Variants in GABRP observed in about 807,000 individuals in gnomAD.
GABRP encodes gamma-aminobutyric acid type A receptor subunit pi, also known as gamma-aminobutyric acid receptor subunit pi.
GABRP carries 52 observed loss-of-function variants against 47.8 expected under a neutral mutation model. The ratio of observed to expected loss-of-function variants is 1.09; its 90% CI spans 0.87 to 1.37. The LOEUF (loss-of-function observed/expected upper bound fraction) is 1.37. Among genes scored for constraint, GABRP ranks in the 40% most tolerant of loss-of-function variants. GABRP has a pLI of 0.00. For missense variants in GABRP, 525 were observed against 542.8 expected, an observed-to-expected ratio of 0.97 and a Z score of 0.33; for synonymous variants, 221 against 205.8, an observed-to-expected ratio of 1.07 and a Z score of -0.63.
chr5:170,787,258 G>A (rs1374994440), intron 1 of GABRP, among the ~76,000 whole-genome samples: 3 of 152,304 alleles, frequency 2.0e-5, no homozygotes, highest in East Asian at 1.9e-4. Context: ...CTCCAGAATG[G>A]CCAGATTCTA....
chr5:170,798,165 C>T (rs2127257967), intron 6 of GABRP, among the ~76,000 whole-genome samples: 1 of 152,320 alleles, frequency 6.6e-6, no homozygotes, highest in East Asian at 1.9e-4. Flanking sequence ...CCTCAGCCTC[C>T]CAAGTAGCCG....
chr5:170,801,517 C>G (rs1765589399), intron 6 of GABRP, among the ~76,000 whole-genome samples: 1 of 152,148 alleles, frequency 6.6e-6, no homozygotes, highest in African/African-American at 2.4e-5. Context: ...TGTGCCAGTT[C>G]CCTTGCATTA....
rs17072921 is a variant in GABRP at position 170,797,623 on chromosome 5, T to G, written c.541+75T>G. The G allele has an allele frequency of 8.5e-3, 7,221 of 851,206 alleles. 300 individuals carry two copies. In the African/African-American group the frequency reaches 0.1, roughly 12 times the overall value. The allele number at this position is 851,206 out of a possible 1,614,324, so 52.7% of individuals were successfully genotyped here. ...GGTGTGTGTATTCATGAAAAGTATC[T>G]CATACACAGTGACCTTTCTTTTCTT... is the stretch of plus-strand genomic sequence containing the variant. On this transcript the variant is annotated intron_variant, in intron 6 of 9. Coordinates refer to ENST00000265294, the MANE Select transcript of GABRP (RefSeq NM_014211.3).
At chr5:170,803,035 T>C (rs907803792) in intron 6 of GABRP, among the ~76,000 whole-genome samples, 1 of 152,172 alleles carries the variant, frequency 6.6e-6, no homozygotes, top group African/African-American at 2.4e-5. Flanking sequence ...AAAGTCAGAG[T>C]GTCCAGGTAG....
intron 5 of GABRP, 28 bp from the exon 6 acceptor site, chr5:170,797,438 T>C: frequency 7.0e-7 from 1 of 1,427,204 alleles, no homozygotes; most frequent in African/African-American, 1.4e-5. Flanking sequence ...CTCACAATAC[T>C]GTTTTTGAAC....
Position 170,812,189 on chromosome 5 carries a change from C to T in GABRP, c.1254C>T (p.Ser418=). 1.2e-6 allele frequency: 2 copies of T among 1,613,858 alleles called. No individual in the cohort carries two copies. Among genetic ancestry groups the T allele is most frequent in the Non-Finnish European group, 1.7e-6 (2 of 1,179,822 alleles). ...IQNPSNVDHY[S]KLLFPLIFML... ...ACCCCAGTAATGTTGATCACTATTC[C>T]AAACTACTGTTTCCTTTGATTTTTA... The change falls in exon 10 of 10, where the codon TCC becomes TCT. Residue 418 remains serine (S), a synonymous_variant. Coordinates refer to ENST00000265294, the MANE Select transcript of GABRP (RefSeq NM_014211.3).
At chr5:170,805,639 A>G in intron 6 of GABRP, 77 bp from the exon 7 acceptor site, 2 of 1,502,426 alleles carry the variant, frequency 1.3e-6, no homozygotes, top group Non-Finnish European at 1.8e-6. Flanking sequence ...CTGTCTCCAT[A>G]TTATAGCATT....
intron 3 of GABRP, among the ~76,000 whole-genome samples, chr5:170,793,478 G>C (rs1420086623): frequency 6.6e-6 from 1 of 152,158 alleles, no homozygotes; most frequent in East Asian, 1.9e-4. Flanking sequence ...ACCAAGTGTG[G>C]AGGTTCTGAA....
chr5:170,789,211 G>A lies in GABRP; in HGVS notation c.136G>A (p.Ala46Thr), dbSNP rs373435065. 7.7e-5 allele frequency: 124 copies of A among 1,613,996 alleles called. No homozygotes were observed. Among genetic ancestry groups the A allele is most frequent in the Non-Finnish European group, 9.7e-5 (114 of 1,179,976 alleles). Residue 46 changes from alanine (A) to threonine (T), a missense_variant, in exon 3 of 10, where the codon GCA becomes ACA. By Grantham distance (58) the Ala-to-Thr change is moderately conservative. Coordinates refer to ENST00000265294, the MANE Select transcript of GABRP (RefSeq NM_014211.3). The part of the protein sequence containing the change: ...LSLPGFENLT[A>T]GYNKFLRPNF... ...CCTGCCTGGCTTTGAGAACCTCACAGCAGGATATAACAAATTTCTCAGGCC... is the reference window on the plus strand; with the variant it reads ...CCTGCCTGGCTTTGAGAACCTCACAACAGGATATAACAAATTTCTCAGGCC...
At chr5:170,806,956 A>G (rs889996998) in intron 7 of GABRP, among the ~76,000 whole-genome samples, 12 of 147,456 alleles carry the variant, frequency 8.1e-5, no homozygotes, top group African/African-American at 3.0e-4. Context: ...ATTTTATTTT[A>G]TTTATTTGAG....
In GABRP at chr5:170,789,163, G is replaced by T. The variant is rs1765200220; in HGVS notation, c.88G>T (p.Val30Phe). The stretch of plus-strand genomic sequence containing the variant: ...CCAGGGGAGTCAGTTCAACGTCGAG[G>T]TCGGCAGAAGTGACAAGCTTTCCCT... ...CIQGSQFNVE[V>F]GRSDKLSLPG... is the part of the protein sequence containing the mutation. The change falls in exon 3 of 10, where the codon GTC becomes TTC. Residue 30 changes from valine to phenylalanine, a missense_variant. By Grantham distance (50) the Val-to-Phe change is conservative. Transcript: ENST00000265294. 31 of 1,614,026 alleles carry T rather than the reference G, an allele frequency of 1.9e-5. No individual in the cohort carries two copies. The highest frequency in any genetic ancestry group is 2.5e-5 in the Non-Finnish European group (30 of 1,180,008).
intron 4 of GABRP, among the ~76,000 whole-genome samples, chr5:170,794,926 G>A (rs892236013): frequency 6.6e-6 from 1 of 150,862 alleles, no homozygotes; most frequent in Non-Finnish European, 1.5e-5. Flanking sequence ...GTTCCCTTTT[G>A]GCAATAGGAG....
rs764009262 is a variant in GABRP, at chr5:170,794,250, G to A, written c.192G>A (p.Ala64=). ...TCTTAGGAGAACCCGTACAGATAGC[G>A]CTGACTCTGGACATTGCAAGTATCT... The part of the protein sequence containing the change: ...PNFGGEPVQI[A]LTLDIASISS... The change falls in exon 4 of 10, where the codon GCG becomes GCA. Residue 64 remains alanine (A), a synonymous_variant. Coordinates refer to ENST00000265294, the MANE Select transcript of GABRP (RefSeq NM_014211.3). The A allele has an allele frequency of 2.1e-5, 34 of 1,611,014 alleles. No individual in the cohort carries two copies. The highest frequency in any genetic ancestry group is 4.0e-5 in the African/African-American group (3 of 74,556).
chr5:170,789,322 G>A, intron 3 of GABRP, 75 bp downstream of exon 3: 1 of 934,876 alleles, frequency 1.1e-6, no homozygotes, highest in Non-Finnish European at 1.7e-6. Flanking sequence ...AGGGTTTCGG[G>A]AGGTTTTAGT....
rs1017499973 is a variant in GABRP, at chr5:170,802,039, G to A, written c.542-3677G>A. Among the ~76,000 whole-genome samples, 46 of 152,268 alleles carry A rather than the reference G, an allele frequency of 3.0e-4. 1 individual carries two copies. The highest frequency in any genetic ancestry group is 3.4e-3 in the Middle Eastern group (1 of 294). On this transcript the variant is annotated intron_variant, in intron 6 of 9. Coordinates refer to ENST00000265294, the MANE Select transcript of GABRP (RefSeq NM_014211.3). ...AAGCCATCCTTGACATTTATCACTC[G>A]TGCTTCCAACTTTTAAAAAAAATTG...
chr5:170,797,116 G>A (rs964516981), intron 5 of GABRP, among the ~76,000 whole-genome samples: 1 of 152,206 alleles, frequency 6.6e-6, no homozygotes, highest in East Asian at 1.9e-4. Flanking sequence ...CGATAGTGAT[G>A]GTGAACACTG....
chr5:170,799,894 A>G (rs1404729887), intron 6 of GABRP, among the ~76,000 whole-genome samples: 2 of 152,234 alleles, frequency 1.3e-5, no homozygotes, highest in African/African-American at 2.4e-5. Flanking sequence ...AAGAATCAAT[A>G]TCGTGAAAAT....
chr5:170,784,219 A>G (rs1765072190), intron 1 of GABRP, among the ~76,000 whole-genome samples: 1 of 152,212 alleles, frequency 6.6e-6, no homozygotes, highest in Non-Finnish European at 1.5e-5. Flanking sequence ...CTGCTTTCCA[A>G]CAAATGATTC....
Position 170,797,568 on chromosome 5 carries a change from G to T in GABRP, c.541+20G>T. ...AAAGCTGTAAGTATACATCCTACAGGCTCCTGAGATGATTTTCCTGGGTGA... is the reference window on the plus strand; with the variant it reads ...AAAGCTGTAAGTATACATCCTACAGTCTCCTGAGATGATTTTCCTGGGTGA... On this transcript the variant is annotated intron_variant, in intron 6 of 9. Coordinates refer to ENST00000265294, the MANE Select transcript of GABRP (RefSeq NM_014211.3). 6.7e-7 allele frequency: 1 copy of T among 1,486,998 alleles called. No individual in the cohort carries two copies. The highest frequency in any genetic ancestry group is 1.1e-5 in the South Asian group (1 of 88,504). The allele number at this position is 1,486,998 out of a possible 1,614,324, so 92.1% of individuals were successfully genotyped here.
Sources: allele counts gnomAD v4.1 joint callset (sites outside exome capture counted in the v4.1 genomes callset), GRCh38; gene constraint gnomAD v4.1.1; transcripts MANE v1.5; gene names NCBI Gene and HGNC (gene_info 2026-07-23, HGNC 2026-07-21).